TMTC1: variants seen among roughly 807,000 people sequenced by gnomAD.
TMTC1 encodes transmembrane O-mannosyltransferase targeting cadherins 1, also known as protein O-mannosyl-transferase TMTC1.
Under a neutral mutation model 104.8 loss-of-function variants are expected in TMTC1, and 73 were observed. The observed-to-expected ratio is 0.70, with a 90% CI of 0.58 to 0.85. TMTC1 has a LOEUF of 0.85. Ranked by LOEUF, TMTC1 falls within the 40% of genes least tolerant of loss-of-function variation. TMTC1 has a pLI of 0.00. For synonymous variants in TMTC1, 434 were observed against 428.7 expected (o/e 1.01, Z -0.15); for missense variants, 1,035 against 1,096.1 (o/e 0.94, Z 0.79).
chr12:29,530,384 C>G (rs1944468418), intron 11 of TMTC1, among the ~76,000 whole-genome samples: 1 of 152,144 alleles, frequency 6.6e-6, no homozygotes, highest in Non-Finnish European at 1.5e-5. Context: ...GCTCCCTTCC[C>G]CTTTTATGGT....
intron 5 of TMTC1, among the ~76,000 whole-genome samples, chr12:29,675,598 A>G (rs1940693734): frequency 3.1e-5 from 1 of 32,180 alleles, no homozygotes; most frequent in African/African-American, 3.8e-4. Flanking sequence ...ATACACACAC[A>G]CACACACACA....
At chr12:29,561,299 TA>T (rs1945371215) in intron 9 of TMTC1, among the ~76,000 whole-genome samples, 1 of 152,176 alleles carries the variant, frequency 6.6e-6, no homozygotes, top group African/African-American at 2.4e-5. Flanking sequence ...GTTCAGCAAA[TA>T]AATTAGAGCT....
chr12:29,597,009 C>T (rs1216320134), intron 7 of TMTC1, among the ~76,000 whole-genome samples: 3 of 152,250 alleles, frequency 2.0e-5, no homozygotes, highest in Non-Finnish European at 2.9e-5. Context: ...TCCCAAGTCT[C>T]GCTTCATGAC....
rs576408688 is a variant in TMTC1 at position 29,753,387 on chromosome 12, T to C, written c.732-1515A>G. Reference sequence around the variant, plus strand: ...TCCTGCGAGGTCTCCTGAGTCCCTGTCATATGTTCCTCCCTGGAAGCAATG... The same window carrying C: ...TCCTGCGAGGTCTCCTGAGTCCCTGCCATATGTTCCTCCCTGGAAGCAATG... On this transcript the variant is annotated intron_variant, in intron 4 of 17. Coordinates refer to ENST00000539277, the MANE Select transcript of TMTC1 (RefSeq NM_001193451.2). 8.4e-4 allele frequency among the ~76,000 whole-genome samples: 128 copies of C among 152,348 alleles called. 2 individuals carry two copies. Among genetic ancestry groups the C allele is most frequent in the African/African-American group, 2.9e-3 (119 of 41,592 alleles).
chr12:29,674,737 C>G (rs1316550937), intron 5 of TMTC1, among the ~76,000 whole-genome samples: 1 of 152,144 alleles, frequency 6.6e-6, no homozygotes, highest in Non-Finnish European at 1.5e-5. Context: ...CTTTACCTGC[C>G]GTAAAGAAGG....
chr12:29,597,881 G>A (rs1008167014), intron 7 of TMTC1, among the ~76,000 whole-genome samples: 10 of 152,116 alleles, frequency 6.6e-5, no homozygotes, highest in African/African-American at 2.4e-4. Flanking sequence ...ATCATGACAA[G>A]AATACCAGAA....
chr12:29,639,761 T>G (rs1938743936), intron 5 of TMTC1, among the ~76,000 whole-genome samples: 1 of 152,120 alleles, frequency 6.6e-6, no homozygotes, highest in Non-Finnish European at 1.5e-5. Flanking sequence ...CATACATACA[T>G]TATGGAATAT....
At chr12:29,535,888 A>G (rs1443708114) in intron 11 of TMTC1, 2 of 268,000 alleles carry the variant, frequency 7.5e-6, no homozygotes, top group African/African-American at 4.6e-5. Context: ...ACCACTTGCA[A>G]TTCCTCAGAA....
At chr12:29,537,482 T>C (rs944677647) in intron 10 of TMTC1, among the ~76,000 whole-genome samples, 13 of 152,194 alleles carry the variant, frequency 8.5e-5, no homozygotes, top group Non-Finnish European at 1.6e-4. Flanking sequence ...TGCTCTTCCA[T>C]CATACCATAT....
At chr12:29,642,879 C>A (rs1938921962) in intron 5 of TMTC1, among the ~76,000 whole-genome samples, 1 of 151,474 alleles carries the variant, frequency 6.6e-6, no homozygotes, top group Non-Finnish European at 1.5e-5. Context: ...GAGCCGAGAT[C>A]GCGCCACTGC....
chr12:29,610,303 C>T (rs529441788), intron 6 of TMTC1, among the ~76,000 whole-genome samples: 12 of 152,100 alleles, frequency 7.9e-5, no homozygotes, highest in Middle Eastern at 3.4e-3. Flanking sequence ...TTTCAGCCCT[C>T]GAGTGAAGCA....
At chr12:29,730,989 G>A (rs1942531432) in intron 5 of TMTC1, among the ~76,000 whole-genome samples, 1 of 152,118 alleles carries the variant, frequency 6.6e-6, no homozygotes, top group Non-Finnish European at 1.5e-5. Context: ...ACAGGAGTGG[G>A]TACTACATAT....
chr12:29,529,450 A>G (rs1565648689), intron 11 of TMTC1, among the ~76,000 whole-genome samples: 1 of 152,254 alleles, frequency 6.6e-6, no homozygotes, highest in Non-Finnish European at 1.5e-5. Context: ...AAAGCCACAG[A>G]GTCTTAAAGT....
At chr12:29,591,533 A>G (rs1420797179) in intron 7 of TMTC1, among the ~76,000 whole-genome samples, 1 of 152,220 alleles carries the variant, frequency 6.6e-6, no homozygotes, top group African/African-American at 2.4e-5. Context: ...AGTGTGGTTT[A>G]GCTCAGTGCT....
chr12:29,752,202 T>C (rs970823548), intron 4 of TMTC1, among the ~76,000 whole-genome samples: 3 of 152,080 alleles, frequency 2.0e-5, no homozygotes, highest in African/African-American at 7.2e-5. Context: ...TCTCTCAGAA[T>C]ATTTGGTTGC....
intron 7 of TMTC1, among the ~76,000 whole-genome samples, chr12:29,586,586 C>T (rs967873829): frequency 3.9e-5 from 6 of 151,930 alleles, no homozygotes; most frequent in Admixed American, 3.9e-4. Flanking sequence ...ATAGATAGCT[C>T]TTATTATTTT....
chr12:29,674,107 C>T (rs1216896892), intron 5 of TMTC1, among the ~76,000 whole-genome samples: 3 of 152,028 alleles, frequency 2.0e-5, no homozygotes, highest in Admixed American at 2.0e-4. Flanking sequence ...TCTCGAAGGA[C>T]AGTACTCTTG....
At chr12:29,652,979 T>C (rs1020229334) in intron 5 of TMTC1, among the ~76,000 whole-genome samples, 4 of 152,062 alleles carry the variant, frequency 2.6e-5, no homozygotes, top group African/African-American at 9.7e-5. Flanking sequence ...GGAGAATTGC[T>C]TGAACCCAGA....
At chr12:29,705,662 T>C (rs1380607518) in intron 5 of TMTC1, among the ~76,000 whole-genome samples, 1 of 152,190 alleles carries the variant, frequency 6.6e-6, no homozygotes, top group Non-Finnish European at 1.5e-5. Flanking sequence ...AGTCATCTCT[T>C]TGAGATTTCC....
Sources: allele counts gnomAD v4.1 joint callset (sites outside exome capture counted in the v4.1 genomes callset), GRCh38; gene constraint gnomAD v4.1.1; transcripts MANE v1.5; gene names NCBI Gene and HGNC (gene_info 2026-07-23, HGNC 2026-07-21).